The following FER1L6 variants were observed in gnomAD, a reference collection of about 807,000 sequenced individuals.
The protein encoded by FER1L6 is fer-1-like protein 6.
FER1L6 carries 177 observed loss-of-function variants against 219.2 expected under a neutral mutation model. That is an observed-to-expected ratio of 0.81 (90% CI 0.71 to 0.91). The LOEUF (loss-of-function observed/expected upper bound fraction) is 0.91, where lower values mean the gene tolerates loss of function less well. FER1L6 is among the 40% of genes least tolerant of loss of function. The pLI, the probability that FER1L6 is intolerant of heterozygous loss-of-function variation, is 0.00. For missense variants in FER1L6, 2,153 were observed against 2,259.9 expected, an observed-to-expected ratio of 0.95 and a Z score of 0.96; for synonymous variants, 768 against 824.3, an observed-to-expected ratio of 0.93 and a Z score of 1.17.
At position 124,076,318 on chromosome 8, in the gene FER1L6, T is replaced by G. The variant is rs1434859039; in HGVS notation, c.4213T>G (p.Phe1405Val). 1 of 1,613,640 alleles carries G rather than the reference T, an allele frequency of 6.2e-7. No homozygotes were observed. Among genetic ancestry groups the G allele is most frequent in the Admixed American group, 1.7e-5 (1 of 60,014 alleles). The part of the protein sequence containing the change: ...KYIPKQLNPV[F>V]GRSFEIQATF... ...CATCCCTAAACAACTGAACCCAGTATTTGGAAGGTCAGTGGCCATCTGGGC... is the reference window on the plus strand; with the variant it reads ...CATCCCTAAACAACTGAACCCAGTAGTTGGAAGGTCAGTGGCCATCTGGGC... The change falls in exon 32 of 41, where the codon TTT becomes GTT. Residue 1405 changes from phenylalanine (F) to valine (V), a missense_variant. Coordinates refer to ENST00000522917, the MANE Select transcript of FER1L6 (RefSeq NM_001039112.2).
chr8:123,958,096 A>G (rs1258416813), intron 2 of FER1L6, among the ~76,000 whole-genome samples: 1 of 152,202 alleles, frequency 6.6e-6, no homozygotes, highest in African/African-American at 2.4e-5. Flanking sequence ...TTACACAACA[A>G]ATAGTTATTG....
intron 18 of FER1L6, among the ~76,000 whole-genome samples, chr8:124,027,533 T>C (rs1455082399): frequency 6.6e-6 from 1 of 152,090 alleles, no homozygotes; most frequent in African/African-American, 2.4e-5. Flanking sequence ...TGTCTGAGGC[T>C]CTCCGTGTTA....
chr8:123,945,184 G>T (rs1472779918), intron 1 of FER1L6, among the ~76,000 whole-genome samples: 5 of 152,178 alleles, frequency 3.3e-5, no homozygotes, highest in African/African-American at 1.2e-4. Context: ...GAGAGGACTA[G>T]ACTGGGAAGC....
chr8:123,877,019 A>G (rs1179177241), intron 1 of FER1L6, among the ~76,000 whole-genome samples: 1 of 152,170 alleles, frequency 6.6e-6, no homozygotes, highest in Non-Finnish European at 1.5e-5. Context: ...TCAGAGCTTC[A>G]TAACTGCCTA....
intron 16 of FER1L6, among the ~76,000 whole-genome samples, chr8:124,019,759 A>G (rs1235187045): frequency 6.6e-6 from 1 of 152,246 alleles, no homozygotes; most frequent in African/African-American, 2.4e-5. Context: ...ATTAATGATT[A>G]AGACAGAAGA....
intron 1 of FER1L6, among the ~76,000 whole-genome samples, chr8:123,900,945 A>G (rs1812845371): frequency 6.6e-6 from 1 of 152,120 alleles, no homozygotes; most frequent in Admixed American, 6.6e-5. Flanking sequence ...TTCATCAAGG[A>G]TATTGATCTG....
chr8:124,007,265 T>C (rs991264745), intron 13 of FER1L6, among the ~76,000 whole-genome samples: 2 of 150,812 alleles, frequency 1.3e-5, no homozygotes, highest in Admixed American at 1.3e-4. Context: ...AAAACAAATG[T>C]CTCTCTCTCT....
At chr8:124,006,417 G>T (rs951067419) in intron 13 of FER1L6, among the ~76,000 whole-genome samples, 2 of 152,134 alleles carry the variant, frequency 1.3e-5, no homozygotes, top group Non-Finnish European at 2.9e-5. Context: ...CCATATTGAG[G>T]CTCTGTCTAT....
At chr8:124,108,499 G>A (rs576634542) in intron 39 of FER1L6, among the ~76,000 whole-genome samples, 76 of 152,258 alleles carry the variant, frequency 5.0e-4, no homozygotes, top group Middle Eastern at 6.8e-3. Flanking sequence ...CTGGGCCCCA[G>A]GATGAGGGAA....
chr8:123,933,808 T>C (rs879302007), intron 1 of FER1L6, among the ~76,000 whole-genome samples: 1 of 152,236 alleles, frequency 6.6e-6, no homozygotes, highest in Non-Finnish European at 1.5e-5. Flanking sequence ...CTTGCTTTTT[T>C]TTCCAGCTTT....
intron 1 of FER1L6, among the ~76,000 whole-genome samples, chr8:123,935,933 C>T (rs566455478): frequency 2.1e-3 from 285 of 137,746 alleles, no homozygotes; most frequent in Non-Finnish European, 2.6e-3. Flanking sequence ...TAAAATCCTG[C>T]GAACTGGCTA....
intron 1 of FER1L6, among the ~76,000 whole-genome samples, chr8:123,904,224 TTGTGTGTGTGTGTGTGTGTGTG>T (rs56224402): frequency 7.2e-6 from 1 of 139,486 alleles, no homozygotes; most frequent in East Asian, 2.1e-4. Flanking sequence ...CTCTGTATAT[TTGTGTGTGTGTGTGTGTGTGTG>T]TGTGTGTGTG....
intron 18 of FER1L6, among the ~76,000 whole-genome samples, chr8:124,026,886 G>C (rs1326830496): frequency 1.3e-5 from 2 of 152,148 alleles, no homozygotes; most frequent in Non-Finnish European, 2.9e-5. Flanking sequence ...AAACAACAGA[G>C]ATATATTATC....
chr8:123,898,653 A>C (rs1472909737), intron 1 of FER1L6, among the ~76,000 whole-genome samples: 1 of 143,256 alleles, frequency 7.0e-6, no homozygotes, highest in African/African-American at 2.7e-5. Context: ...TTATATATAT[A>C]TATATGTATA....
intron 36 of FER1L6, 101 bp downstream of exon 36, chr8:124,097,460 T>C (rs577786924): frequency 1.0e-4 from 91 of 867,026 alleles, no homozygotes; most frequent in Non-Finnish European, 1.6e-4. Context: ...CTGATCATCA[T>C]ACCTCACTAT....
intron 12 of FER1L6, among the ~76,000 whole-genome samples, chr8:123,991,774 C>A (rs1816862620): frequency 6.6e-6 from 1 of 152,064 alleles, no homozygotes; most frequent in Admixed American, 6.6e-5. Flanking sequence ...TGTTCCAGTT[C>A]TTAGGGGAAA....
intron 6 of FER1L6, among the ~76,000 whole-genome samples, chr8:123,971,585 C>A (rs140619648): frequency 6.8e-4 from 104 of 152,260 alleles, no homozygotes; most frequent in African/African-American, 2.4e-3. Context: ...TCTCTAACTT[C>A]GAAGAAGAGA....
Position 124,023,460 on chromosome 8 carries a change from C to G in FER1L6, c.2150C>G (p.Pro717Arg), listed in dbSNP as rs367765644. 8.7e-6 allele frequency: 14 copies of G among 1,614,122 alleles called. No individual in the cohort carries two copies. Among genetic ancestry groups the G allele is most frequent in the Non-Finnish European group, 1.1e-5 (13 of 1,179,992 alleles). The change falls in exon 18 of 41, where the codon CCT becomes CGT. Residue 717 changes from proline to arginine, a missense_variant. Pro to Arg is a moderately radical substitution (Grantham distance 103). Coordinates refer to ENST00000522917, the MANE Select transcript of FER1L6 (RefSeq NM_001039112.2). ...TTCCCACAGCCCCAGCACACTATCCCTGACGTTTTCATCTGGATGCTCAGC... is the reference window on the plus strand; with the variant it reads ...TTCCCACAGCCCCAGCACACTATCCGTGACGTTTTCATCTGGATGCTCAGC... ...FLVDEPQHTI[P>R]DVFIWMLSNN... is the part of the protein sequence containing the mutation.
At chr8:123,962,595 A>G (rs1206083968) in intron 2 of FER1L6, among the ~76,000 whole-genome samples, 1 of 152,096 alleles carries the variant, frequency 6.6e-6, no homozygotes, top group East Asian at 1.9e-4. Context: ...CTGTCTCATC[A>G]TTGACAAAAA....
Sources: allele counts gnomAD v4.1 joint callset (sites outside exome capture counted in the v4.1 genomes callset), GRCh38; gene constraint gnomAD v4.1.1; transcripts MANE v1.5; gene names NCBI Gene and HGNC (gene_info 2026-07-23, HGNC 2026-07-21).